Variants in GNG7 observed in about 807,000 individuals in gnomAD.
GNG7 encodes the protein G protein subunit gamma 7, also known as guanine nucleotide-binding protein G(I)/G(S)/G(O) subunit gamma-7.
GNG7 carries 1 observed loss-of-function variant against 4.0 expected under a neutral mutation model. That is an observed-to-expected ratio of 0.25 (90% confidence interval 0.09 to 1.18). The LOEUF (loss-of-function observed/expected upper bound fraction) is 1.18. Among genes scored for constraint, GNG7 ranks in the 50% most tolerant of loss-of-function variants. The pLI is 0.50. For missense variants in GNG7, 86 were observed against 91.9 expected (o/e 0.94, Z 0.26); for synonymous variants, 34 against 36.9 (o/e 0.92, Z 0.29).
rs536920675 is a variant in GNG7 at position 2,649,298 on chromosome 19, G to T, written c.-134-3018C>A. Among the ~76,000 whole-genome samples, 4 of 151,840 alleles carry T rather than the reference G, an allele frequency of 2.6e-5. No homozygotes were observed. The South Asian group carries it at 8.3e-4, about 32-fold the overall frequency. On this transcript the variant is annotated intron_variant, in intron 1 of 4. Transcript: ENST00000382159. Reference sequence around the variant, plus strand: ...GGTGCGCCCTTCAACTCACTACCCTGCCAGCGACACCGTACACAACTAGGG... The same window carrying T: ...GGTGCGCCCTTCAACTCACTACCCTTCCAGCGACACCGTACACAACTAGGG...
intron 2 of GNG7, among the ~76,000 whole-genome samples, chr19:2,615,196 C>T (rs1012279737): frequency 2.0e-5 from 3 of 151,328 alleles, no homozygotes; most frequent in African/African-American, 7.3e-5. Context: ...GAGTCTCGCT[C>T]TGTCGCCCAG....
chr19:2,545,863 G>A (rs1358763199), intron 3 of GNG7, among the ~76,000 whole-genome samples: 1 of 152,052 alleles, frequency 6.6e-6, no homozygotes, highest in Non-Finnish European at 1.5e-5. Context: ...TCTGAGGCAG[G>A]AGAATTGCTT....
At chr19:2,549,889 G>A (rs145389581) in intron 3 of GNG7, among the ~76,000 whole-genome samples, 10 of 152,322 alleles carry the variant, frequency 6.6e-5, no homozygotes, top group Non-Finnish European at 8.8e-5. Flanking sequence ...TTGATGACAC[G>A]CATGGAATTT....
chr19:2,600,774 C>T (rs1233368058), intron 2 of GNG7, among the ~76,000 whole-genome samples: 2 of 152,040 alleles, frequency 1.3e-5, no homozygotes, highest in Non-Finnish European at 1.5e-5. Context: ...CAGTGCCTGG[C>T]TTCTATCTTA....
intron 2 of GNG7, among the ~76,000 whole-genome samples, chr19:2,593,966 A>G (rs1210232937): frequency 5.4e-5 from 8 of 148,968 alleles, no homozygotes; most frequent in Non-Finnish European, 7.4e-5. Flanking sequence ...ATTCACCCCA[A>G]ACCTTCTCAA....
At chr19:2,680,414 T>C (rs146800874) in intron 1 of GNG7, among the ~76,000 whole-genome samples, 2 of 152,088 alleles carry the variant, frequency 1.3e-5, no homozygotes, top group African/African-American at 4.8e-5. Context: ...TCTCCCAAAG[T>C]GCTGGGATTA....
At chr19:2,540,620 G>A (rs1027087886) in intron 3 of GNG7, among the ~76,000 whole-genome samples, 5 of 152,162 alleles carry the variant, frequency 3.3e-5, no homozygotes, top group African/African-American at 1.2e-4. Context: ...GAGATTTTGC[G>A]GGGACCCTGG....
chr19:2,620,247 G>A (rs145483931), intron 2 of GNG7, among the ~76,000 whole-genome samples: 1,692 of 131,892 alleles, frequency 0.013, 61 homozygotes, highest in African/African-American at 0.046. Context: ...GAGGGGAGGG[G>A]AGGGGAGGGG....
chr19:2,630,879 CTCTT>C (rs757148292), intron 2 of GNG7: 1 of 152,042 alleles, frequency 6.6e-6, no homozygotes, highest in Non-Finnish European at 1.5e-5. Context: ...AGCTAATACA[CTCTT>C]TATGTGCTGC....
At chr19:2,532,464 G>T (rs549946705) in intron 3 of GNG7, among the ~76,000 whole-genome samples, 1 of 152,146 alleles carries the variant, frequency 6.6e-6, no homozygotes, top group Non-Finnish European at 1.5e-5. Flanking sequence ...AACTACAGAA[G>T]AAAGAGCAAA....
At chr19:2,567,694 T>C (rs1599395308) in intron 2 of GNG7, among the ~76,000 whole-genome samples, 1 of 152,168 alleles carries the variant, frequency 6.6e-6, no homozygotes, top group East Asian at 1.9e-4. Context: ...CAGAGCTGAG[T>C]GCTGGAGCCG....
In GNG7 at chr19:2,544,529, C is replaced by T. The variant is rs190219981; in HGVS notation, c.-38+10620G>A. Among the ~76,000 whole-genome samples, 19 of 152,228 alleles carry T rather than the reference C, an allele frequency of 1.2e-4. No individual in the cohort carries two copies. In the South Asian group the frequency reaches 2.5e-3, roughly 20 times the overall value. On this transcript the variant is annotated intron_variant, in intron 3 of 4. Transcript: ENST00000382159. ...CCTCCTGAGTAGCTGGGGTTATAGG[C>T]GCCCCCCACCCCCACCACGCCCAGC...
chr19:2,661,337 A>AAAGAAAGG (rs1983169597), intron 1 of GNG7, among the ~76,000 whole-genome samples: 2 of 147,460 alleles, frequency 1.4e-5, no homozygotes, highest in African/African-American at 5.1e-5. Context: ...AGAAAGAAAG[A>AAAGAAAGG]AAGAAAGAAA....
chr19:2,666,643 A>ACAGC (rs1344393460), intron 1 of GNG7, among the ~76,000 whole-genome samples: 1 of 152,186 alleles, frequency 6.6e-6, no homozygotes, highest in East Asian at 1.9e-4. Flanking sequence ...AGACCAGAGC[A>ACAGC]CAGCAAAGTG....
At chr19:2,544,832 G>A (rs185845996) in intron 3 of GNG7, among the ~76,000 whole-genome samples, 3 of 149,366 alleles carry the variant, frequency 2.0e-5, no homozygotes, top group East Asian at 2.1e-4. Flanking sequence ...CTCAGCAACC[G>A]TAAGTGCCCA....
At chr19:2,536,847 T>C (rs1978752675) in intron 3 of GNG7, among the ~76,000 whole-genome samples, 1 of 152,192 alleles carries the variant, frequency 6.6e-6, no homozygotes, top group East Asian at 1.9e-4. Context: ...CTCTTGGCCT[T>C]GGGGTACAGT....
chr19:2,536,107 G>T (rs1236907288), intron 3 of GNG7, among the ~76,000 whole-genome samples: 1 of 151,998 alleles, frequency 6.6e-6, no homozygotes, highest in East Asian at 1.9e-4. Context: ...CCGGGCAACA[G>T]AGTGAGACAT....
chr19:2,687,507 T>C (rs1177145217), intron 1 of GNG7, among the ~76,000 whole-genome samples: 1 of 150,896 alleles, frequency 6.6e-6, no homozygotes, highest in African/African-American at 2.4e-5. Context: ...TCCCAGCTAG[T>C]TGGGAGGTTG....
intron 2 of GNG7, among the ~76,000 whole-genome samples, chr19:2,635,951 T>TCG (rs1280036798): frequency 6.6e-6 from 1 of 152,174 alleles, no homozygotes; most frequent in Non-Finnish European, 1.5e-5. Flanking sequence ...TTGTCACAAC[T>TCG]GGCGGGTGCA....
Sources: gnomAD v4.1 joint callset for allele counts (sites outside exome capture counted in the v4.1 genomes callset) on GRCh38, gnomAD v4.1.1 for gene constraint, MANE v1.5 for transcripts, NCBI Gene and HGNC (gene_info 2026-07-23, HGNC 2026-07-21) for gene names.